Variants in EDNRA observed in about 807,000 individuals in gnomAD.
EDNRA encodes endothelin receptor type A.
In EDNRA, 11 loss-of-function variants were observed where a neutral mutation model predicts 41.4. That is an observed-to-expected ratio of 0.27 (90% confidence interval 0.17 to 0.44). EDNRA has a LOEUF of 0.44. Among genes scored for constraint, EDNRA ranks in the 20% least tolerant of loss-of-function variants. The pLI is 1.00. For missense variants in EDNRA, 294 were observed against 531.0 expected (o/e 0.55, Z 4.39); for synonymous variants, 172 against 183.0 (o/e 0.94, Z 0.49).
At chr4:147,538,520 A>G (rs918143730) in intron 5 of EDNRA, among the ~76,000 whole-genome samples, 1 of 152,204 alleles carries the variant, frequency 6.6e-6, no homozygotes, top group African/African-American at 2.4e-5. Flanking sequence ...TAAAAGCGTT[A>G]TCCTCTTTGA....
chr4:147,532,875 G>A (rs1047810916), intron 4 of EDNRA, among the ~76,000 whole-genome samples, 171 bp downstream of exon 4: 1 of 152,138 alleles, frequency 6.6e-6, no homozygotes, highest in Admixed American at 6.5e-5. Context: ...TTCTTGAATA[G>A]AACAGTTATG....
chr4:147,534,450 A>G lies in EDNRA; in HGVS notation c.748-1427A>G, dbSNP rs927023304. On this transcript the variant is annotated intron_variant, in intron 4 of 7. Coordinates refer to ENST00000651419, the MANE Select transcript of EDNRA (RefSeq NM_001957.4). ...TTCAGGGATCTGTGAACTTGGTTGG[A>G]AAAGAAACAACATGTTTATTTTCAC... 2.6e-5 allele frequency among the ~76,000 whole-genome samples: 4 copies of G among 152,342 alleles called. No homozygotes were observed. The East Asian group carries it at 7.7e-4, about 29-fold the overall frequency.
intron 4 of EDNRA, 143 bp from the exon 5 acceptor site, chr4:147,535,734 C>G: frequency 9.7e-7 from 1 of 1,030,496 alleles, no homozygotes; most frequent in African/African-American, 1.6e-5. Context: ...AGCCCCACTC[C>G]CAAACCCATC....
intron 2 of EDNRA, among the ~76,000 whole-genome samples, chr4:147,501,854 A>G (rs1729527279): frequency 6.6e-6 from 1 of 152,236 alleles, no homozygotes; most frequent in South Asian, 2.1e-4. Flanking sequence ...GGGTACACCT[A>G]TATGACAAAT....
chr4:147,532,019 A>G (rs1453922270), intron 3 of EDNRA, among the ~76,000 whole-genome samples: 1 of 64,994 alleles, frequency 1.5e-5, no homozygotes, highest in Non-Finnish European at 2.8e-5. Flanking sequence ...CTCAGTCTCA[A>G]AAAAAAAAAA....
intron 5 of EDNRA, among the ~76,000 whole-genome samples, chr4:147,537,423 A>G (rs761517011): frequency 1.3e-5 from 2 of 152,194 alleles, no homozygotes; most frequent in Non-Finnish European, 2.9e-5. Context: ...TATGTTTACA[A>G]TTATTTCCTC....
chr4:147,532,325 C>CA (rs59851236), intron 3 of EDNRA, among the ~76,000 whole-genome samples, 181 bp from the exon 4 acceptor site: 7,153 of 59,020 alleles, frequency 0.12, 314 homozygotes, highest in East Asian at 0.17. Flanking sequence ...GATTTTGCCT[C>CA]AAAAAAAAAA....
At chr4:147,506,730 T>C in intron 2 of EDNRA, 1 of 333,238 alleles carries the variant, frequency 3.0e-6, no homozygotes, top group Non-Finnish European at 5.9e-6. Context: ...GAAACCAGAG[T>C]ACAGACATCA....
chr4:147,492,947 T>G (rs990466340), intron 2 of EDNRA: 5 of 152,140 alleles, frequency 3.3e-5, no homozygotes, highest in African/African-American at 9.7e-5. Flanking sequence ...AAGTAATTAT[T>G]CTCATGTGAG....
At chr4:147,538,356 G>A (rs1280940466) in intron 5 of EDNRA, among the ~76,000 whole-genome samples, 1 of 152,146 alleles carries the variant, frequency 6.6e-6, no homozygotes, top group Non-Finnish European at 1.5e-5. Context: ...TCATCTAACG[G>A]GTCAAAACCC....
intron 7 of EDNRA, among the ~76,000 whole-genome samples, chr4:147,541,878 G>A (rs10305929): frequency 0.086 from 13,042 of 152,136 alleles, 1,294 homozygotes; most frequent in African/African-American, 0.24. Context: ...ATATTCATTG[G>A]GGGAGGGAAA....
At chr4:147,521,796 GAGAAA>G (rs1560909888) in intron 3 of EDNRA, among the ~76,000 whole-genome samples, 1 of 152,036 alleles carries the variant, frequency 6.6e-6, no homozygotes, top group African/African-American at 2.4e-5. Flanking sequence ...AATTCATGTA[GAGAAA>G]AGAAATGGGA....
At chr4:147,482,611 G>T (rs1286785179) in intron 1 of EDNRA, among the ~76,000 whole-genome samples, 2 of 152,208 alleles carry the variant, frequency 1.3e-5, no homozygotes, top group Non-Finnish European at 2.9e-5. Context: ...ACATCCACAG[G>T]CCTTTGCCAA....
chr4:147,488,587 C>A (rs760290147), intron 2 of EDNRA: 5 of 152,078 alleles, frequency 3.3e-5, no homozygotes, highest in Non-Finnish European at 7.4e-5. Flanking sequence ...AGAAAGTAAA[C>A]CTTTAGGCTA....
At chr4:147,518,900 C>T (rs563754658) in intron 2 of EDNRA, among the ~76,000 whole-genome samples, 2 of 152,284 alleles carry the variant, frequency 1.3e-5, no homozygotes, top group East Asian at 3.9e-4. Flanking sequence ...CAGGAACTTC[C>T]TTCCCCCTTT....
At chr4:147,507,225 A>C (rs955353839) in intron 2 of EDNRA, among the ~76,000 whole-genome samples, 1 of 152,092 alleles carries the variant, frequency 6.6e-6, no homozygotes, top group Non-Finnish European at 1.5e-5. Flanking sequence ...GGAAAAAAAA[A>C]AACCCTGTAC....
At chr4:147,500,551 C>A (rs1488936747) in intron 2 of EDNRA, among the ~76,000 whole-genome samples, 2 of 152,086 alleles carry the variant, frequency 1.3e-5, no homozygotes, top group African/African-American at 4.8e-5. Flanking sequence ...AACCCCATTG[C>A]TACAAAAAAT....
chr4:147,507,325 T>TAC (rs1365886066), intron 2 of EDNRA, among the ~76,000 whole-genome samples: 2 of 152,026 alleles, frequency 1.3e-5, no homozygotes, highest in Non-Finnish European at 2.9e-5. Context: ...CCAACCATGG[T>TAC]ACATCCATAC....
chr4:147,503,526 T>C (rs200630612), intron 2 of EDNRA, among the ~76,000 whole-genome samples: 1 of 152,182 alleles, frequency 6.6e-6, no homozygotes, highest in African/African-American at 2.4e-5. Context: ...ATATTGTTCA[T>C]TGTAGATAGA....
Sources: allele counts gnomAD v4.1 joint callset (sites outside exome capture counted in the v4.1 genomes callset), GRCh38; gene constraint gnomAD v4.1.1; transcripts MANE v1.5; gene names NCBI Gene and HGNC (gene_info 2026-07-23, HGNC 2026-07-21).